The following STAG1 variants were observed in gnomAD, a reference collection of about 807,000 sequenced individuals.
The protein encoded by STAG1 is STAG1 cohesin complex component, also known as cohesin subunit SA-1.
In STAG1, 26 loss-of-function variants were observed where a neutral mutation model predicts 170.9. The ratio of observed to expected loss-of-function variants is 0.15; its 90% CI spans 0.11 to 0.21. STAG1 has a LOEUF of 0.21. STAG1 is among the 10% of genes least tolerant of loss of function. The pLI is 1.00. For synonymous variants in STAG1, 514 were observed against 497.7 expected, an observed-to-expected ratio of 1.03 and a Z score of -0.44; for missense variants, 964 against 1,509.5, an observed-to-expected ratio of 0.64 and a Z score of 5.99.
chr3:136,446,658 A>T (rs1197058305), intron 14 of STAG1, among the ~76,000 whole-genome samples: 2 of 149,978 alleles, frequency 1.3e-5, no homozygotes, highest in African/African-American at 4.9e-5. Flanking sequence ...CCTGACCTCA[A>T]GTGATCCACC....
At chr3:136,648,972 T>C (rs1287526874) in intron 1 of STAG1, among the ~76,000 whole-genome samples, 1 of 152,198 alleles carries the variant, frequency 6.6e-6, no homozygotes, top group African/African-American at 2.4e-5. Flanking sequence ...AATATTCCAA[T>C]TCCTAAACAT....
chr3:136,523,725 T>C (rs1475338616), intron 6 of STAG1, among the ~76,000 whole-genome samples: 2 of 152,212 alleles, frequency 1.3e-5, no homozygotes, highest in Non-Finnish European at 2.9e-5. Context: ...TTTATGGTTT[T>C]AGGTCTAACA....
intron 25 of STAG1, 150 bp downstream of exon 25, chr3:136,366,793 T>C (rs1283386738): frequency 1.8e-6 from 1 of 558,576 alleles, no homozygotes; most frequent in East Asian, 2.8e-5. Context: ...TACAGACTGA[T>C]AAAAAGCTTA....
intron 3 of STAG1, among the ~76,000 whole-genome samples, chr3:136,610,686 C>A (rs1939230863): frequency 6.6e-6 from 1 of 151,928 alleles, no homozygotes. Flanking sequence ...AAGAATTGCA[C>A]ACAAACTGAA....
intron 7 of STAG1, among the ~76,000 whole-genome samples, chr3:136,507,530 T>TA (rs201518143): frequency 3.2e-4 from 49 of 150,838 alleles, no homozygotes; most frequent in African/African-American, 9.3e-4. Flanking sequence ...CCCAGCTAAT[T>TA]AAAAAAAAAA....
intron 12 of STAG1, among the ~76,000 whole-genome samples, chr3:136,467,418 T>A (rs958502034): frequency 2.6e-5 from 4 of 152,080 alleles, no homozygotes; most frequent in African/African-American, 9.7e-5. Context: ...AAGAAGGCCA[T>A]TACATAATGG....
At chr3:136,582,779 A>G (rs1937618905) in intron 4 of STAG1, among the ~76,000 whole-genome samples, 1 of 152,234 alleles carries the variant, frequency 6.6e-6, no homozygotes, top group Admixed American at 6.5e-5. Context: ...AGCCTAGGCA[A>G]CAGAGTCAGA....
At chr3:136,383,894 G>A (rs984407600) in intron 22 of STAG1, among the ~76,000 whole-genome samples, 1 of 149,092 alleles carries the variant, frequency 6.7e-6, no homozygotes, top group Non-Finnish European at 1.5e-5. Flanking sequence ...GGCAGAGCTT[G>A]CAGTGAGCCG....
intron 10 of STAG1, among the ~76,000 whole-genome samples, chr3:136,476,805 T>C (rs1186921975): frequency 1.3e-5 from 2 of 152,056 alleles, no homozygotes; most frequent in Non-Finnish European, 2.9e-5. Flanking sequence ...GGATTACTTA[T>C]TCAGGATTAC....
chr3:136,446,335 G>T (rs535467834), intron 14 of STAG1, among the ~76,000 whole-genome samples: 2 of 152,066 alleles, frequency 1.3e-5, no homozygotes, highest in African/African-American at 4.8e-5. Flanking sequence ...TAGAAAACAT[G>T]TTCAAGTAAT....
intron 3 of STAG1, among the ~76,000 whole-genome samples, chr3:136,621,497 G>T (rs17365351): frequency 0.077 from 11,764 of 152,130 alleles, 475 homozygotes; most frequent in Non-Finnish European, 0.094. Flanking sequence ...CAGCTTCCAA[G>T]TGCAAAACTC....
intron 1 of STAG1, among the ~76,000 whole-genome samples, chr3:136,640,368 C>CT (rs1046414006): frequency 0.016 from 2,275 of 140,390 alleles, 37 homozygotes; most frequent in African/African-American, 0.029. Flanking sequence ...CATTAGATAA[C>CT]TTTTTTTTTT....
intron 21 of STAG1, among the ~76,000 whole-genome samples, chr3:136,401,286 C>A (rs981833761): frequency 2.6e-5 from 4 of 152,102 alleles, no homozygotes; most frequent in African/African-American, 4.8e-5. Context: ...TGGTAAAAAA[C>A]CTATCCAAAT....
At chr3:136,696,361 C>G (rs1211884603) in intron 1 of STAG1, among the ~76,000 whole-genome samples, 2 of 152,082 alleles carry the variant, frequency 1.3e-5, no homozygotes, top group Non-Finnish European at 2.9e-5. Context: ...TCCAGTTTAG[C>G]TAGGTATGAC....
intron 6 of STAG1, among the ~76,000 whole-genome samples, chr3:136,526,922 C>T (rs1018908359): frequency 1.3e-5 from 2 of 152,136 alleles, no homozygotes; most frequent in South Asian, 2.1e-4. Flanking sequence ...ATGTTGGCTC[C>T]CACTCTCTTC....
At position 136,708,967 on chromosome 3, in the gene STAG1, CTTTT is replaced by C. The variant is rs61595071; in HGVS notation, c.-84+43224_-84+43227del. Among the ~76,000 whole-genome samples the C allele has an allele frequency of 2.2e-3, 187 of 86,072 alleles. 1 individual carries two copies. Among genetic ancestry groups the C allele is most frequent in the Middle Eastern group, 0.021 (3 of 142 alleles). The allele number at this position is 86,072 out of a possible 152,430, so 56.5% of individuals were successfully genotyped here. On this transcript the variant is annotated intron_variant, in intron 1 of 33. Transcript: ENST00000383202. The stretch of plus-strand genomic sequence containing the variant: ...CACAGGCATGTACCACTGCAGCTGG[CTTTT>C]TTTTTTTTTTTTTTTTTTTTTTAAA...
intron 3 of STAG1, among the ~76,000 whole-genome samples, chr3:136,607,708 C>G (rs1033838489): frequency 2.6e-5 from 4 of 152,154 alleles, no homozygotes; most frequent in Non-Finnish European, 4.4e-5. Flanking sequence ...CGATGTAATT[C>G]AATACTGTTT....
At chr3:136,405,259 T>C (rs927179741) in intron 21 of STAG1, among the ~76,000 whole-genome samples, 27 of 92,560 alleles carry the variant, frequency 2.9e-4, no homozygotes, top group East Asian at 1.3e-3. Context: ...TTTTTTTTTT[T>C]CAGACGAAGT....
chr3:136,605,533 C>T (rs1402287305), intron 3 of STAG1, among the ~76,000 whole-genome samples: 1 of 152,050 alleles, frequency 6.6e-6, no homozygotes, highest in African/African-American at 2.4e-5. Context: ...GACTTTTTTC[C>T]TTTCCTTTCA....
Sources: allele counts gnomAD v4.1 joint callset (sites outside exome capture counted in the v4.1 genomes callset), GRCh38; gene constraint gnomAD v4.1.1; transcripts MANE v1.5; gene names NCBI Gene and HGNC (gene_info 2026-07-23, HGNC 2026-07-21).